TMEM132B: variants seen among roughly 807,000 people sequenced by gnomAD.
TMEM132B encodes the protein transmembrane protein 132B.
A neutral mutation model predicts 90.8 loss-of-function variants in TMEM132B; 18 were observed. The ratio of observed to expected loss-of-function variants is 0.20; its 90% CI spans 0.14 to 0.29. The LOEUF (loss-of-function observed/expected upper bound fraction) is 0.29. TMEM132B is among the 10% of genes least tolerant of loss of function. The pLI, the probability that TMEM132B is intolerant of heterozygous loss-of-function variation, is 1.00. For missense variants in TMEM132B, 1,096 were observed against 1,326.8 expected (o/e 0.83, Z 2.70); for synonymous variants, 504 against 523.3 (o/e 0.96, Z 0.50).
chr12:125,494,715 C>A (rs1882486134), intron 3 of TMEM132B, among the ~76,000 whole-genome samples: 1 of 143,334 alleles, frequency 7.0e-6, no homozygotes, highest in Admixed American at 6.9e-5. Flanking sequence ...GTCCCTCCTC[C>A]CCCTCCTCCC....
intron 4 of TMEM132B, among the ~76,000 whole-genome samples, chr12:125,534,333 A>G (rs1883735448): frequency 6.6e-6 from 1 of 152,204 alleles, no homozygotes; most frequent in Non-Finnish European, 1.5e-5. Context: ...CCTGGGAAAC[A>G]TAGTGAGACT....
At chr12:125,635,539 C>T in intron 5 of TMEM132B, among the ~76,000 whole-genome samples, 1 of 152,164 alleles carries the variant, frequency 6.6e-6, no homozygotes, top group East Asian at 1.9e-4. Context: ...TCCAGTCTAT[C>T]ATTGATGGGC....
intron 1 of TMEM132B, among the ~76,000 whole-genome samples, chr12:125,197,744 G>A (rs969208587): frequency 6.6e-6 from 1 of 152,206 alleles, no homozygotes; most frequent in Non-Finnish European, 1.5e-5. Context: ...GACACTGACA[G>A]TGTTCAAAAA....
chr12:125,462,884 T>C (rs1279706530), intron 3 of TMEM132B, among the ~76,000 whole-genome samples: 3 of 152,204 alleles, frequency 2.0e-5, no homozygotes, highest in Admixed American at 6.5e-5. Flanking sequence ...GTTTGAGCCA[T>C]GCACAAAGCC....
chr12:125,552,355 C>G (rs533824173), intron 4 of TMEM132B, among the ~76,000 whole-genome samples: 1 of 152,166 alleles, frequency 6.6e-6, no homozygotes, highest in African/African-American at 2.4e-5. Flanking sequence ...AGTGGCCACA[C>G]GTTTTCTAGG....
At chr12:125,586,293 A>G (rs1324778585) in intron 5 of TMEM132B, 3 of 152,252 alleles carry the variant, frequency 2.0e-5, no homozygotes, top group African/African-American at 7.2e-5. Flanking sequence ...TAATATCCAA[A>G]CAAATGAACT....
chr12:125,640,569 C>T (rs1471169715), intron 5 of TMEM132B, among the ~76,000 whole-genome samples: 1 of 152,122 alleles, frequency 6.6e-6, no homozygotes, highest in Non-Finnish European at 1.5e-5. Flanking sequence ...GCCTGGTAGG[C>T]CCCTGTAAGG....
chr12:125,377,667 T>G (rs1168173445), intron 2 of TMEM132B, among the ~76,000 whole-genome samples: 2 of 152,202 alleles, frequency 1.3e-5, no homozygotes, highest in Non-Finnish European at 2.9e-5. Context: ...TTCCACTATA[T>G]AGTTCTGATC....
intron 1 of TMEM132B, among the ~76,000 whole-genome samples, chr12:125,295,193 A>C (rs1220205341): frequency 6.6e-6 from 1 of 152,238 alleles, no homozygotes; most frequent in Non-Finnish European, 1.5e-5. Context: ...CATTAGTGTG[A>C]TAATTATCTT....
chr12:125,526,184 A>G (rs1447828065), intron 4 of TMEM132B, among the ~76,000 whole-genome samples: 1 of 152,150 alleles, frequency 6.6e-6, no homozygotes, highest in African/African-American at 2.4e-5. Context: ...TGACACAGTA[A>G]AACTGCCCAC....
intron 1 of TMEM132B, among the ~76,000 whole-genome samples, chr12:125,261,944 C>T (rs1052953918): frequency 2.0e-5 from 3 of 152,176 alleles, no homozygotes; most frequent in Admixed American, 6.5e-5. Context: ...GATCCTCCAA[C>T]GTCGGCCTCC....
intron 3 of TMEM132B, among the ~76,000 whole-genome samples, chr12:125,491,026 G>A (rs12831226): frequency 0.025 from 3,776 of 152,206 alleles, 61 homozygotes; most frequent in Middle Eastern, 0.058. Flanking sequence ...CTTGGAAGTG[G>A]ATCCTCCAGC....
In TMEM132B at chr12:125,633,524, A is replaced by T. The variant is rs188257089; in HGVS notation, c.1438-10552A>T. Among the ~76,000 whole-genome samples, 8 of 152,322 alleles carry T rather than the reference A, an allele frequency of 5.3e-5. No individual in the cohort carries two copies. The East Asian group carries it at 1.5e-3, about 29-fold the overall frequency. ...CTGGGCATTGAAGAGTTAGGTATTT[A>T]TTATAGTCTTTACTGCCTGGGCATG... On this transcript the variant is annotated intron_variant, in intron 5 of 8. Transcript: ENST00000682704.
rs746309607 is a variant in TMEM132B at position 125,653,677 on chromosome 12, T to A, written c.2219T>A (p.Val740Glu). Residue 740 changes from valine (V) to glutamate (E), a missense_variant, in exon 9 of 9, where the codon GTG becomes GAG. By Grantham distance (121) the Val-to-Glu change is moderately radical. Transcript: ENST00000682704. ...GTCTCATCATTGGATGAAATGGTGG[T>A]GTCTGTCCAGGCAAACCTTGAGTCC... ...VTVSSLDEMV[V>E]SVQANLESKW... The A allele has an allele frequency of 2.5e-6, 4 of 1,614,030 alleles. No homozygotes were observed. The highest frequency in any genetic ancestry group is 3.4e-6 in the Non-Finnish European group (4 of 1,180,032).
intron 3 of TMEM132B, among the ~76,000 whole-genome samples, chr12:125,474,059 TCC>T (rs757085132): frequency 2.3e-3 from 74 of 32,862 alleles, no homozygotes; most frequent in African/African-American, 0.015. Context: ...TCTTTCTTTT[TCC>T]TTTCCTTTCC....
chr12:125,602,240 C>G (rs1383327393), intron 5 of TMEM132B, among the ~76,000 whole-genome samples: 2 of 152,178 alleles, frequency 1.3e-5, no homozygotes, highest in Non-Finnish European at 2.9e-5. Flanking sequence ...CCGAATCTAG[C>G]AGCACATCAA....
chr12:125,655,695 T>C lies in TMEM132B; in HGVS notation c.*985T>C, dbSNP rs1244697092. ...GCTTTGTGGCCAACACAATTTACTA[T>C]CCAAACTGAAGTCTTAAAGTAGAAT... On this transcript the variant is annotated 3_prime_UTR_variant, in exon 9 of 9. Transcript: ENST00000682704. 3 of 152,158 alleles carry C rather than the reference T, an allele frequency of 2.0e-5. No homozygotes were observed. Among genetic ancestry groups the C allele is most frequent in the Non-Finnish European group, 4.4e-5 (3 of 68,038 alleles). The allele number at this position is 152,158 out of a possible 1,614,324, so 9.4% of individuals were successfully genotyped here. A position where few individuals can be genotyped will look rare whatever the true frequency, so the allele number is the denominator to read the frequency against.
At chr12:125,386,005 T>C (rs1247401477) in intron 2 of TMEM132B, among the ~76,000 whole-genome samples, 1 of 152,144 alleles carries the variant, frequency 6.6e-6, no homozygotes, top group Non-Finnish European at 1.5e-5. Context: ...TTTGTTTGTT[T>C]GTTTTGAGAC....
intron 3 of TMEM132B, among the ~76,000 whole-genome samples, chr12:125,442,379 G>A (rs1880900614): frequency 6.6e-6 from 1 of 152,222 alleles, no homozygotes; most frequent in African/African-American, 2.4e-5. Context: ...ATTTGCTAGA[G>A]GGAGGCAAAT....
Sources: gnomAD v4.1 joint callset for allele counts (sites outside exome capture counted in the v4.1 genomes callset) on GRCh38, gnomAD v4.1.1 for gene constraint, MANE v1.5 for transcripts, NCBI Gene and HGNC (gene_info 2026-07-23, HGNC 2026-07-21) for gene names.